Variants in ANKRD44 observed in about 807,000 individuals in gnomAD.
ANKRD44 encodes serine/threonine-protein phosphatase 6 regulatory ankyrin repeat subunit B.
Under a neutral mutation model 116.0 loss-of-function variants are expected in ANKRD44, and 35 were observed. The observed-to-expected ratio is 0.30, with a 90% CI of 0.23 to 0.40. The LOEUF is 0.40. Among genes scored for constraint, ANKRD44 ranks in the 10% least tolerant of loss-of-function variants. The pLI is 1.00. For synonymous variants in ANKRD44, 435 were observed against 461.8 expected, an observed-to-expected ratio of 0.94 and a Z score of 0.74; for missense variants, 1,014 against 1,242.6, an observed-to-expected ratio of 0.82 and a Z score of 2.77.
chr2:197,047,235 G>T (rs989155158), intron 16 of ANKRD44, among the ~76,000 whole-genome samples: 1 of 152,050 alleles, frequency 6.6e-6, no homozygotes, highest in African/African-American at 2.4e-5. Flanking sequence ...GGCCAGACTG[G>T]TCTCTAACTC....
At chr2:197,075,051 G>A (rs1225845173) in intron 16 of ANKRD44, among the ~76,000 whole-genome samples, 3 of 151,994 alleles carry the variant, frequency 2.0e-5, no homozygotes, top group Admixed American at 2.0e-4. Context: ...ATTGAACAGG[G>A]GAGAAGATTC....
intron 17 of ANKRD44, among the ~76,000 whole-genome samples, chr2:197,019,354 G>A (rs1426782057): frequency 1.3e-5 from 2 of 152,228 alleles, no homozygotes; most frequent in Non-Finnish European, 2.9e-5. Context: ...GCACAGGATA[G>A]TAAGTCTCTA....
At chr2:197,247,776 T>C (rs1432919396) in intron 1 of ANKRD44, among the ~76,000 whole-genome samples, 1 of 151,724 alleles carries the variant, frequency 6.6e-6, no homozygotes, top group Non-Finnish European at 1.5e-5. Context: ...CTGTGAAGAG[T>C]GGTCACTTTC....
intron 1 of ANKRD44, among the ~76,000 whole-genome samples, chr2:197,254,626 CACACAT>C (rs750038001): frequency 5.2e-5 from 7 of 134,680 alleles, no homozygotes; most frequent in Non-Finnish European, 8.3e-5. Flanking sequence ...CACACACACA[CACACAT>C]ATATATATTT....
At chr2:197,042,411 A>G (rs4850748) in intron 16 of ANKRD44, among the ~76,000 whole-genome samples, 146,286 of 152,032 alleles carry the variant, frequency 0.96, 70,420 homozygotes, top group East Asian at 1. Context: ...CAACATTGTT[A>G]GGAGAAAAGG....
intron 1 of ANKRD44, among the ~76,000 whole-genome samples, chr2:197,295,245 G>A (rs2105890689): frequency 6.6e-6 from 1 of 152,264 alleles, no homozygotes; most frequent in Middle Eastern, 3.4e-3. Context: ...TTCTGAAGAG[G>A]ATGGCCCCAA....
chr2:197,287,224 T>C (rs1242945314), intron 1 of ANKRD44, among the ~76,000 whole-genome samples: 1 of 152,158 alleles, frequency 6.6e-6, no homozygotes, highest in Non-Finnish European at 1.5e-5. Context: ...TGCTCAATTT[T>C]GCTGTGAACA....
intron 8 of ANKRD44, among the ~76,000 whole-genome samples, chr2:197,111,545 G>A (rs947215002): frequency 2.6e-5 from 4 of 151,804 alleles, no homozygotes; most frequent in Admixed American, 1.3e-4. Context: ...ATGCTAAGGT[G>A]GGAGAATTGC....
intron 9 of ANKRD44, among the ~76,000 whole-genome samples, chr2:197,105,094 G>A (rs1417932130): frequency 6.6e-6 from 1 of 151,756 alleles, no homozygotes; most frequent in East Asian, 1.9e-4. Flanking sequence ...TGTTACAGTG[G>A]GGTTCTTTTG....
chr2:197,081,307 G>A (rs2077790153), intron 15 of ANKRD44, among the ~76,000 whole-genome samples: 1 of 152,228 alleles, frequency 6.6e-6, no homozygotes, highest in Admixed American at 6.5e-5. Flanking sequence ...CATAAGAGCA[G>A]AACCTAAGCC....
rs797000201 is a variant in ANKRD44 at position 197,122,259 on chromosome 2, C to T, written c.693+391G>A. Among the ~76,000 whole-genome samples the T allele has an allele frequency of 2.6e-5, 4 of 152,164 alleles. No homozygotes were observed. In the South Asian group the frequency reaches 8.3e-4, roughly 32 times the overall value. ...AAGAGAAGGCAGCAGTCTGCCTTTT[C>T]CAGCTCAAGAGTAGACATTGCTGCT... On this transcript the variant is annotated intron_variant, in intron 7 of 27. Coordinates refer to ENST00000282272, the MANE Select transcript of ANKRD44 (RefSeq NM_001195144.2).
intron 2 of ANKRD44, among the ~76,000 whole-genome samples, chr2:197,171,362 G>C (rs555477491): frequency 2.7e-4 from 41 of 152,302 alleles, no homozygotes; most frequent in African/African-American, 9.4e-4. Flanking sequence ...CAAGTAGAGG[G>C]ACAGATGATC....
At chr2:197,222,377 A>T (rs1359466380) in intron 1 of ANKRD44, among the ~76,000 whole-genome samples, 1 of 152,204 alleles carries the variant, frequency 6.6e-6, no homozygotes, top group Non-Finnish European at 1.5e-5. Context: ...GGAACTAAAT[A>T]TTCTCTTTAA....
intron 4 of ANKRD44, among the ~76,000 whole-genome samples, chr2:197,127,735 G>A (rs1333792298): frequency 6.6e-6 from 1 of 152,184 alleles, no homozygotes; most frequent in Non-Finnish European, 1.5e-5. Flanking sequence ...GTAAATGCAT[G>A]TATGGTGGTT....
chr2:196,984,503 C>T (rs2075823613), downstream of ANKRD44, among the ~76,000 whole-genome samples: 1 of 152,132 alleles, frequency 6.6e-6, no homozygotes, highest in South Asian at 2.1e-4. Context: ...TAGCTTAATG[C>T]TTTTGTGCTT....
chr2:197,268,557 G>A (rs1422222040), intron 1 of ANKRD44, among the ~76,000 whole-genome samples: 1 of 152,210 alleles, frequency 6.6e-6, no homozygotes, highest in Non-Finnish European at 1.5e-5. Context: ...AATCCAGAGA[G>A]GAAAGGAATT....
chr2:197,152,156 G>A (rs933275252), intron 2 of ANKRD44, among the ~76,000 whole-genome samples: 1 of 152,206 alleles, frequency 6.6e-6, no homozygotes, highest in African/African-American at 2.4e-5. Flanking sequence ...CAGGACCAGA[G>A]CAGCATTAAC....
At chr2:197,107,559 G>A (rs2078461997) in intron 9 of ANKRD44, among the ~76,000 whole-genome samples, 1 of 152,138 alleles carries the variant, frequency 6.6e-6, no homozygotes, top group Non-Finnish European at 1.5e-5. Flanking sequence ...GATGATTCTG[G>A]AAAAACAAAG....
chr2:197,189,644 T>G (rs185429431), intron 1 of ANKRD44, among the ~76,000 whole-genome samples: 1 of 152,248 alleles, frequency 6.6e-6, no homozygotes. Context: ...CAAATGCTCA[T>G]GTGTGCATTT....
Sources: gnomAD v4.1 joint callset for allele counts (sites outside exome capture counted in the v4.1 genomes callset) on GRCh38, gnomAD v4.1.1 for gene constraint, MANE v1.5 for transcripts, NCBI Gene and HGNC (gene_info 2026-07-23, HGNC 2026-07-21) for gene names.